Variants in PTPRN2 observed in about 807,000 individuals in gnomAD.
PTPRN2 encodes the protein receptor-type tyrosine-protein phosphatase N2.
In PTPRN2, 74 loss-of-function variants were observed where a neutral mutation model predicts 118.8. The observed-to-expected ratio is 0.62, with a 90% CI of 0.52 to 0.76. The LOEUF is 0.76. PTPRN2 is among the 30% of genes least tolerant of loss of function. The pLI, the probability that PTPRN2 is intolerant of heterozygous loss-of-function variation, is 0.00. For missense variants in PTPRN2, 1,481 were observed against 1,394.4 expected, an observed-to-expected ratio of 1.06 and a Z score of -0.99; for synonymous variants, 641 against 608.0, an observed-to-expected ratio of 1.05 and a Z score of -0.80.
chr7:157,625,591 G>C (rs1272131920), intron 14 of PTPRN2, among the ~76,000 whole-genome samples: 3 of 152,176 alleles, frequency 2.0e-5, no homozygotes, highest in African/African-American at 4.8e-5. Context: ...GGAGAAGGAG[G>C]GGGGCGAGGG....
chr7:157,689,109 G>A (rs955564001), intron 12 of PTPRN2, among the ~76,000 whole-genome samples: 1 of 152,182 alleles, frequency 6.6e-6, no homozygotes. Flanking sequence ...CACCGCCGCC[G>A]TCTTCTCTGG....
intron 12 of PTPRN2, among the ~76,000 whole-genome samples, chr7:157,844,542 G>C (rs1016600627): frequency 6.6e-6 from 1 of 152,184 alleles, no homozygotes; most frequent in Non-Finnish European, 1.5e-5. Context: ...AGGCTGACAC[G>C]GGGACAGGAG....
chr7:158,065,218 C>T (rs1291683866), intron 11 of PTPRN2, among the ~76,000 whole-genome samples: 1 of 152,218 alleles, frequency 6.6e-6, no homozygotes, highest in Non-Finnish European at 1.5e-5. Context: ...CTCTCCTGGT[C>T]ATGGGCCCCA....
rs142037757 is a variant in PTPRN2 at position 157,897,424 on chromosome 7, G to A, written c.1788+1249C>T. Among the ~76,000 whole-genome samples the A allele has an allele frequency of 4.1e-3, 619 of 152,258 alleles. 4 individuals are homozygous for A. Among genetic ancestry groups the A allele is most frequent in the Middle Eastern group, 6.8e-3 (2 of 294 alleles). On this transcript the variant is annotated intron_variant, in intron 12 of 22. Transcript: ENST00000389418. ...TGGCTTCTTTCTCACCCTTCACTGG[G>A]TGCTAAAGAGACAGCAAGCTCCCGG...
intron 13 of PTPRN2, among the ~76,000 whole-genome samples, chr7:157,667,703 C>T (rs373936864): frequency 1.3e-3 from 192 of 152,356 alleles, no homozygotes; most frequent in African/African-American, 4.5e-3. Context: ...AATGCTCCAC[C>T]GCAAAACTCA....
At chr7:158,160,191 A>G (rs1172522467) in intron 6 of PTPRN2, among the ~76,000 whole-genome samples, 1 of 152,216 alleles carries the variant, frequency 6.6e-6, no homozygotes, top group African/African-American at 2.4e-5. Flanking sequence ...AGGAATACCT[A>G]GAAATCCAGT....
At chr7:158,251,240 G>T (rs1226845895) in intron 3 of PTPRN2, among the ~76,000 whole-genome samples, 1 of 152,194 alleles carries the variant, frequency 6.6e-6, no homozygotes, top group African/African-American at 2.4e-5. Flanking sequence ...TGCCTGCTGA[G>T]GTCCCTGGGG....
intron 14 of PTPRN2, among the ~76,000 whole-genome samples, chr7:157,646,780 G>A (rs1032592461): frequency 2.0e-4 from 31 of 152,238 alleles, no homozygotes; most frequent in African/African-American, 7.0e-4. Flanking sequence ...GTGTGAGGAC[G>A]GATACTTGGG....
intron 2 of PTPRN2, among the ~76,000 whole-genome samples, chr7:158,328,509 C>A (rs565680614): frequency 9.8e-5 from 15 of 152,362 alleles, no homozygotes; most frequent in Middle Eastern, 3.4e-3. Context: ...ACAGCCTATG[C>A]ATCTGCAGAG....
At chr7:157,551,886 A>G (rs560302931) in intron 21 of PTPRN2, among the ~76,000 whole-genome samples, 9 of 137,904 alleles carry the variant, frequency 6.5e-5, no homozygotes, top group South Asian at 2.5e-4. Flanking sequence ...CGCACCCCAC[A>G]GCCACCACAC....
intron 12 of PTPRN2, among the ~76,000 whole-genome samples, chr7:157,896,399 T>C (rs1797120593): frequency 6.6e-6 from 1 of 152,100 alleles, no homozygotes; most frequent in African/African-American, 2.4e-5. Flanking sequence ...AGCAGCTCTG[T>C]CCTGAAAGGG....
At chr7:158,377,484 C>G (rs1343994203) in intron 2 of PTPRN2, among the ~76,000 whole-genome samples, 1 of 152,182 alleles carries the variant, frequency 6.6e-6, no homozygotes, top group Admixed American at 6.5e-5. Flanking sequence ...AAGGGGACCC[C>G]ACTTGGACAC....
At chr7:158,117,920 C>T (rs1474935361) in intron 9 of PTPRN2, among the ~76,000 whole-genome samples, 1 of 152,106 alleles carries the variant, frequency 6.6e-6, no homozygotes, top group African/African-American at 2.4e-5. Flanking sequence ...AAGAAATATT[C>T]CAAGGAGCCC....
rs115874902 is a variant in PTPRN2 at position 157,643,716 on chromosome 7, A to C, written c.2196+12641T>G. Among the ~76,000 whole-genome samples, 497 of 152,300 alleles carry C rather than the reference A, an allele frequency of 3.3e-3. 4 individuals carry two copies. Among genetic ancestry groups the C allele is most frequent in the African/African-American group, 0.011 (464 of 41,566 alleles). ...GGACCCCCTGCAGACACCCGCACCC[A>C]CAGTAAAGGAGGTGGGAGCAGGCGG... On this transcript the variant is annotated intron_variant, in intron 14 of 22. Transcript: ENST00000389418.
intron 13 of PTPRN2, among the ~76,000 whole-genome samples, chr7:157,661,965 C>T (rs763948637): frequency 6.6e-6 from 1 of 152,186 alleles, no homozygotes; most frequent in Non-Finnish European, 1.5e-5. Context: ...AACCAGGACC[C>T]AGAAAACAGG....
intron 2 of PTPRN2, among the ~76,000 whole-genome samples, chr7:158,388,321 A>AC (rs1013994297): frequency 1.7e-4 from 26 of 150,960 alleles, no homozygotes; most frequent in Non-Finnish European, 3.4e-4. Context: ...CCGCAAGACC[A>AC]CCCCCCCATG....
intron 2 of PTPRN2, among the ~76,000 whole-genome samples, chr7:158,413,445 T>C (rs931998116): frequency 6.6e-6 from 1 of 152,240 alleles, no homozygotes; most frequent in Non-Finnish European, 1.5e-5. Flanking sequence ...GGGCCTAACA[T>C]GGCCCCCAAT....
Position 158,440,662 on chromosome 7 carries a change from GTGA to G in PTPRN2, c.163+49070_163+49072del, listed in dbSNP as rs879018592. 1.0e-4 allele frequency among the ~76,000 whole-genome samples: 11 copies of G among 107,156 alleles called. No individual in the cohort carries two copies. The South Asian group carries it at 3.4e-3, about 34-fold the overall frequency. 70.3% of individuals were successfully genotyped at this position (107,156 alleles called of 152,430 possible). The stretch of plus-strand genomic sequence containing the variant: ...GATGGTGGCAGTAGTGATGGTGGTA[GTGA>G]TAGTGACAGGGTGGTGGTGGTGGTG... On this transcript the variant is annotated intron_variant, in intron 2 of 22. Coordinates refer to ENST00000389418, the MANE Select transcript of PTPRN2 (RefSeq NM_002847.5).
chr7:157,737,495 G>A (rs569452751), intron 12 of PTPRN2, among the ~76,000 whole-genome samples: 23 of 152,360 alleles, frequency 1.5e-4, no homozygotes, highest in East Asian at 9.7e-4. Context: ...CGTTGTGCCC[G>A]GGCAGGGGGC....
Sources: gnomAD v4.1 joint callset for allele counts (sites outside exome capture counted in the v4.1 genomes callset) on GRCh38, gnomAD v4.1.1 for gene constraint, MANE v1.5 for transcripts, NCBI Gene and HGNC (gene_info 2026-07-23, HGNC 2026-07-21) for gene names.